The following EYA1 variants were observed in gnomAD, a reference collection of about 807,000 sequenced individuals.
EYA1 encodes EYA transcriptional coactivator and phosphatase 1.
EYA1 carries 16 observed loss-of-function variants against 82.0 expected under a neutral mutation model. The observed-to-expected ratio is 0.20, with a 90% CI of 0.13 to 0.30. EYA1 has a LOEUF of 0.30. Among genes scored for constraint, EYA1 ranks in the 10% least tolerant of loss-of-function variants. The pLI is 1.00. For missense variants in EYA1, 633 were observed against 730.7 expected, an observed-to-expected ratio of 0.87 and a Z score of 1.54; for synonymous variants, 261 against 264.4, an observed-to-expected ratio of 0.99 and a Z score of 0.12.
intron 2 of EYA1, among the ~76,000 whole-genome samples, chr8:71,391,762 G>C (rs1393992987): frequency 1.3e-5 from 2 of 152,100 alleles, no homozygotes; most frequent in Non-Finnish European, 2.9e-5. Context: ...GGTTAGTCTG[G>C]GACTTGGACA....
chr8:71,244,320 T>C (rs747757357), intron 12 of EYA1, among the ~76,000 whole-genome samples: 1 of 152,276 alleles, frequency 6.6e-6, no homozygotes, highest in Non-Finnish European at 1.5e-5. Flanking sequence ...GTGGTGATTA[T>C]GTAACTGAGA....
intron 2 of EYA1, chr8:71,531,211 T>C (rs575306457): frequency 2.6e-5 from 4 of 152,372 alleles, no homozygotes; most frequent in South Asian, 2.1e-4. Context: ...ATTAGAGTTA[T>C]GTTGCACTTT....
chr8:71,229,146 T>C (rs1013875890), intron 12 of EYA1, among the ~76,000 whole-genome samples: 8 of 152,094 alleles, frequency 5.3e-5, no homozygotes, highest in African/African-American at 1.9e-4. Context: ...TCCCTCACAT[T>C]CTATCATGAA....
At chr8:71,347,889 A>C (rs1197124502) in intron 3 of EYA1, among the ~76,000 whole-genome samples, 43 of 139,066 alleles carry the variant, frequency 3.1e-4, no homozygotes, top group African/African-American at 1.3e-3. Flanking sequence ...GGCATGCAAA[A>C]AAAAAAAAAA....
At chr8:71,501,772 C>G (rs1563679444) in intron 2 of EYA1, among the ~76,000 whole-genome samples, 1 of 152,160 alleles carries the variant, frequency 6.6e-6, no homozygotes, top group Non-Finnish European at 1.5e-5. Flanking sequence ...TTTAAAAACT[C>G]CAGCCGGAAA....
rs140537791 is a variant in EYA1 at position 71,541,262 on chromosome 8, T to C, written c.-72-5414A>G. ...GTCTCTACCTTGGTGAAAGTCTTAG[T>C]TGTAGATGTGGTTTCTACAGAAGTA... On this transcript the variant is annotated intron_variant, in intron 1 of 18. Coordinates refer to the EYA1 transcript ENST00000643681. Among the ~76,000 whole-genome samples the C allele has an allele frequency of 9.6e-3, 1,465 of 152,376 alleles. 25 individuals carry two copies. Among genetic ancestry groups the C allele is most frequent in the African/African-American group, 0.033 (1,373 of 41,590 alleles).
chr8:71,393,403 C>T (rs1052219640), intron 2 of EYA1, among the ~76,000 whole-genome samples: 2 of 151,898 alleles, frequency 1.3e-5, no homozygotes, highest in African/African-American at 4.8e-5. Flanking sequence ...CCGTTAACTC[C>T]TCATTTACAT....
intron 2 of EYA1, among the ~76,000 whole-genome samples, chr8:71,462,297 G>A (rs567625590): frequency 6.6e-6 from 1 of 152,316 alleles, no homozygotes; most frequent in Admixed American, 6.5e-5. Flanking sequence ...AGGAGCCAAG[G>A]TGGCAGGGGA....
chr8:71,531,486 C>G (rs147039372), intron 2 of EYA1, among the ~76,000 whole-genome samples: 4 of 152,034 alleles, frequency 2.6e-5, no homozygotes, highest in Non-Finnish European at 1.5e-5. Flanking sequence ...TTAACTGCAG[C>G]CCTCACAACT....
At chr8:71,217,523 G>A (rs1248864734) in intron 12 of EYA1, among the ~76,000 whole-genome samples, 3 of 152,136 alleles carry the variant, frequency 2.0e-5, no homozygotes, top group Admixed American at 6.5e-5. Context: ...CAAAAAATCT[G>A]TTACTGGTTT....
At chr8:71,356,352 AAC>A in intron 2 of EYA1, 108 bp downstream of exon 2, 1 of 924,154 alleles carries the variant, frequency 1.1e-6, no homozygotes, top group Non-Finnish European at 1.7e-6. Context: ...AGTAATTTCC[AAC>A]AGAGGCTGTT....
At chr8:71,494,881 G>A (rs1157805645) in intron 2 of EYA1, among the ~76,000 whole-genome samples, 6 of 151,868 alleles carry the variant, frequency 4.0e-5, no homozygotes, top group Non-Finnish European at 5.9e-5. Context: ...TTCACAAGCA[G>A]AAACGGAACT....
At chr8:71,503,943 G>A (rs755829633) in intron 2 of EYA1, among the ~76,000 whole-genome samples, 1 of 152,118 alleles carries the variant, frequency 6.6e-6, no homozygotes, top group African/African-American at 2.4e-5. Flanking sequence ...TGAGTCGCTG[G>A]AATGGTGGGG....
At chr8:71,352,677 G>A (rs1290753292) in intron 3 of EYA1, among the ~76,000 whole-genome samples, 1 of 152,112 alleles carries the variant, frequency 6.6e-6, no homozygotes, top group Non-Finnish European at 1.5e-5. Context: ...GTTTGGTTGA[G>A]GAGATCACAT....
chr8:71,407,432 C>A (rs372728526), intron 2 of EYA1, among the ~76,000 whole-genome samples: 1 of 147,268 alleles, frequency 6.8e-6, no homozygotes, highest in African/African-American at 2.5e-5. Context: ...CTCTGAGCTA[C>A]GGGAGGACAT....
At chr8:71,512,107 C>G (rs1812642095) in intron 2 of EYA1, among the ~76,000 whole-genome samples, 3 of 152,178 alleles carry the variant, frequency 2.0e-5, no homozygotes, top group Admixed American at 2.0e-4. Context: ...AAGTGCTGCA[C>G]AAATTCTAAG....
intron 11 of EYA1, among the ~76,000 whole-genome samples, chr8:71,260,467 C>G (rs1215380979): frequency 6.6e-6 from 1 of 152,054 alleles, no homozygotes; most frequent in Non-Finnish European, 1.5e-5. Context: ...GAATATGTAC[C>G]TACTTATATC....
intron 2 of EYA1, among the ~76,000 whole-genome samples, chr8:71,528,271 C>T (rs1352660306): frequency 6.6e-6 from 1 of 152,150 alleles, no homozygotes; most frequent in African/African-American, 2.4e-5. Flanking sequence ...AAGTGAGCTA[C>T]ACCAGAACAC....
At chr8:71,346,520 T>C (rs1353449045) in intron 3 of EYA1, among the ~76,000 whole-genome samples, 1 of 149,638 alleles carries the variant, frequency 6.7e-6, no homozygotes, top group African/African-American at 2.4e-5. Context: ...ATTATTCCTT[T>C]ACCATCTTAC....
Sources: gnomAD v4.1 joint callset for allele counts (sites outside exome capture counted in the v4.1 genomes callset) on GRCh38, gnomAD v4.1.1 for gene constraint, MANE v1.5 for transcripts, NCBI Gene and HGNC (gene_info 2026-07-23, HGNC 2026-07-21) for gene names.